The following CTNNA3 variants were observed in gnomAD, a reference collection of about 807,000 sequenced individuals.
CTNNA3 encodes catenin alpha-3.
In CTNNA3, 76 loss-of-function variants were observed where a neutral mutation model predicts 95.7. The observed-to-expected ratio is 0.79, with a 90% confidence interval of 0.66 to 0.96. The LOEUF (loss-of-function observed/expected upper bound fraction) is 0.96, where lower values mean the gene tolerates loss of function less well. Ranked by LOEUF, CTNNA3 falls within the 40% of genes least tolerant of loss-of-function variation. CTNNA3 has a pLI of 0.00. For missense variants in CTNNA3, 1,191 were observed against 1,089.8 expected (o/e 1.09, Z -1.31); for synonymous variants, 431 against 374.4 (o/e 1.15, Z -1.74).
intron 6 of CTNNA3, among the ~76,000 whole-genome samples, chr10:67,201,806 G>A (rs371838384): frequency 1.4e-4 from 22 of 152,260 alleles, no homozygotes; most frequent in African/African-American, 4.8e-4. Flanking sequence ...ATTCATCCAC[G>A]ATCAGCTACG....
chr10:67,085,670 C>T (rs1857268113), intron 7 of CTNNA3, among the ~76,000 whole-genome samples: 1 of 151,952 alleles, frequency 6.6e-6, no homozygotes, highest in Non-Finnish European at 1.5e-5. Flanking sequence ...TACATATTAG[C>T]TCATCCCTTA....
At chr10:65,993,775 G>A (rs536714810) in intron 15 of CTNNA3, among the ~76,000 whole-genome samples, 30 of 152,170 alleles carry the variant, frequency 2.0e-4, no homozygotes, top group Non-Finnish European at 3.5e-4. Context: ...TTGCTCTGTT[G>A]CCTGGGCTGC....
intron 14 of CTNNA3, among the ~76,000 whole-genome samples, chr10:66,099,912 C>A (rs1264481717): frequency 6.6e-6 from 1 of 152,066 alleles, no homozygotes; most frequent in Non-Finnish European, 1.5e-5. Flanking sequence ...AGTCTGAAGA[C>A]ATAATCCTCT....
At chr10:66,438,135 C>A (rs1017208353) in intron 11 of CTNNA3, among the ~76,000 whole-genome samples, 1 of 152,142 alleles carries the variant, frequency 6.6e-6, no homozygotes, top group Non-Finnish European at 1.5e-5. Context: ...TGTCTGTTGA[C>A]CCCTGCTGGG....
chr10:66,499,528 A>G (rs549383111), intron 11 of CTNNA3, among the ~76,000 whole-genome samples: 5 of 152,296 alleles, frequency 3.3e-5, no homozygotes, highest in South Asian at 2.1e-4. Flanking sequence ...GGGTCTCCCT[A>G]TGTAGCTCAG....
intron 15 of CTNNA3, among the ~76,000 whole-genome samples, chr10:65,995,534 G>T (rs1440857080): frequency 6.6e-6 from 1 of 152,214 alleles, no homozygotes; most frequent in East Asian, 1.9e-4. Context: ...AGGCCTCGGT[G>T]GTGGGCCAAG....
At position 66,435,546 on chromosome 10, in the gene CTNNA3, G is replaced by A. The variant is rs192473130; in HGVS notation, c.1532-56194C>T. ...GATATCCCCTTTATCATTTTTTATT[G>A]TGTCTATTTGATTCTTCTCTCTTTT... On this transcript the variant is annotated intron_variant, in intron 11 of 17. Transcript: ENST00000433211. 4.9e-3 allele frequency among the ~76,000 whole-genome samples: 743 copies of A among 152,030 alleles called. 6 individuals carry two copies. Among genetic ancestry groups the A allele is most frequent in the African/African-American group, 0.012 (494 of 41,416 alleles).
intron 11 of CTNNA3, among the ~76,000 whole-genome samples, chr10:66,456,857 G>A (rs1320747706): frequency 1.3e-5 from 2 of 152,072 alleles, no homozygotes; most frequent in South Asian, 2.1e-4. Flanking sequence ...ACTTTGGCAG[G>A]CCAATGTGTG....
chr10:67,546,001 C>T (rs1413633894), intron 3 of CTNNA3, among the ~76,000 whole-genome samples: 1 of 152,026 alleles, frequency 6.6e-6, no homozygotes, highest in African/African-American at 2.4e-5. Context: ...TATCTATAAA[C>T]TATGCACCTA....
intron 5 of CTNNA3, among the ~76,000 whole-genome samples, chr10:67,391,308 G>A (rs1323177684): frequency 6.6e-6 from 1 of 151,410 alleles, no homozygotes; most frequent in South Asian, 2.1e-4. Flanking sequence ...ATTCACAATT[G>A]CTTCAAAGAG....
chr10:67,671,291 G>GA (rs972810402), intron 1 of CTNNA3, among the ~76,000 whole-genome samples: 114 of 152,218 alleles, frequency 7.5e-4, no homozygotes, highest in African/African-American at 2.6e-3. Flanking sequence ...GAAGAGGAAG[G>GA]ATGACAGAGC....
intron 1 of CTNNA3, among the ~76,000 whole-genome samples, chr10:67,734,134 CT>C (rs751476982): frequency 6.6e-6 from 1 of 152,154 alleles, no homozygotes; most frequent in East Asian, 1.9e-4. Flanking sequence ...TAGCCTTCCT[CT>C]TTTCTCTTTT....
rs575562263 is a variant in CTNNA3, at chr10:67,443,338, A to G, written c.579+78504T>C. ...TAATGGGATGGCTGGGTCAAATGGT[A>G]TTTCTAGTTCTAGATCCCTGAGGAA... On this transcript the variant is annotated intron_variant, in intron 5 of 17. Coordinates refer to ENST00000433211, the MANE Select transcript of CTNNA3 (RefSeq NM_013266.4). 3.8e-3 allele frequency among the ~76,000 whole-genome samples: 547 copies of G among 142,494 alleles called. 11 individuals are homozygous for G. Among genetic ancestry groups the G allele is most frequent in the African/African-American group, 0.013 (520 of 39,010 alleles). 93.5% of individuals were successfully genotyped at this position (142,494 alleles called of 152,430 possible).
intron 5 of CTNNA3, among the ~76,000 whole-genome samples, chr10:67,518,445 GAGAC>G (rs1010582335): frequency 2.0e-5 from 3 of 152,116 alleles, no homozygotes; most frequent in Admixed American, 6.6e-5. Context: ...CGTGATCAGA[GAGAC>G]AAGAATCAGA....
rs547200372 is a variant in CTNNA3, at chr10:67,351,064, T to G, written c.580-131194A>C. On this transcript the variant is annotated intron_variant, in intron 5 of 17. Transcript: ENST00000433211. The stretch of plus-strand genomic sequence containing the variant: ...TAAAGATAAATAAACTATTGATACA[T>G]GCAACAAAGGGATGAATCTCAAATG... Among the ~76,000 whole-genome samples, 141 of 151,928 alleles carry G rather than the reference T, an allele frequency of 9.3e-4. 1 individual carries two copies. The highest frequency in any genetic ancestry group is 3.3e-3 in the African/African-American group (138 of 41,486).
At chr10:67,152,932 T>C (rs1246846330) in intron 7 of CTNNA3, among the ~76,000 whole-genome samples, 1 of 152,148 alleles carries the variant, frequency 6.6e-6, no homozygotes. Flanking sequence ...GATGCTTTTA[T>C]ATTACCAGTT....
chr10:66,018,023 A>G (rs1394201060), intron 15 of CTNNA3, among the ~76,000 whole-genome samples: 1 of 152,036 alleles, frequency 6.6e-6, no homozygotes, highest in Non-Finnish European at 1.5e-5. Context: ...CTTTGGCCAT[A>G]AAAGAAAATG....
chr10:65,946,579 T>A (rs1053648485), intron 17 of CTNNA3, among the ~76,000 whole-genome samples: 1 of 152,188 alleles, frequency 6.6e-6, no homozygotes, highest in Admixed American at 6.5e-5. Context: ...CTTAGAACAT[T>A]TATATTTTCA....
rs149111519 is a variant in CTNNA3, at chr10:66,442,878, G to A, written c.1532-63526C>T. 2.7e-4 allele frequency among the ~76,000 whole-genome samples: 41 copies of A among 152,312 alleles called. No individual in the cohort carries two copies. In the East Asian group the frequency reaches 3.3e-3, roughly 12 times the overall value. On this transcript the variant is annotated intron_variant, in intron 11 of 17. Transcript: ENST00000433211. ...TGAGGCACTGCCTCACTCGGGAAGC[G>A]CAAGGGGTCAGGGGGTTCCCTTTCC...
Sources: gnomAD v4.1 joint callset for allele counts (sites outside exome capture counted in the v4.1 genomes callset) on GRCh38, gnomAD v4.1.1 for gene constraint, MANE v1.5 for transcripts, NCBI Gene and HGNC (gene_info 2026-07-23, HGNC 2026-07-21) for gene names.